Variants in CYRIB observed in about 807,000 individuals in gnomAD.
CYRIB encodes the protein CYFIP-related Rac1 interactor B.
A neutral mutation model predicts 44.2 loss-of-function variants in CYRIB; 8 were observed. The observed-to-expected ratio is 0.18, with a 90% CI of 0.11 to 0.33. CYRIB has a LOEUF of 0.33. Ranked by LOEUF, CYRIB falls within the 10% of genes least tolerant of loss-of-function variation. CYRIB has a pLI of 1.00. For missense variants in CYRIB, 185 were observed against 382.8 expected, an observed-to-expected ratio of 0.48 and a Z score of 4.31; for synonymous variants, 131 against 127.2, an observed-to-expected ratio of 1.03 and a Z score of -0.20.
At chr8:129,866,443 A>G (rs2053628060) in intron 4 of CYRIB, among the ~76,000 whole-genome samples, 2 of 152,104 alleles carry the variant, frequency 1.3e-5, no homozygotes, top group Admixed American at 1.3e-4. Flanking sequence ...ATTTCCAGGG[A>G]ATATTCATAG....
intron 1 of CYRIB, among the ~76,000 whole-genome samples, chr8:129,978,503 A>G (rs530320731): frequency 6.6e-6 from 1 of 152,196 alleles, no homozygotes; most frequent in East Asian, 1.9e-4. Context: ...CTCCCCAGGC[A>G]TGTGCCAGGA....
intron 1 of CYRIB, among the ~76,000 whole-genome samples, chr8:129,991,971 A>AC (rs1554764444): frequency 7.4e-6 from 1 of 134,604 alleles, no homozygotes; most frequent in African/African-American, 2.7e-5. Flanking sequence ...AAAAAAAAAA[A>AC]ACAATAGGAA....
At chr8:129,887,267 T>C (rs2063157441) in intron 2 of CYRIB, among the ~76,000 whole-genome samples, 1 of 152,314 alleles carries the variant, frequency 6.6e-6, no homozygotes, top group Non-Finnish European at 1.5e-5. Context: ...CTCAAGCTGC[T>C]GTTCAGGCAA....
intron 1 of CYRIB, among the ~76,000 whole-genome samples, chr8:129,931,950 G>A (rs1160593863): frequency 6.6e-6 from 1 of 151,574 alleles, no homozygotes; most frequent in Non-Finnish European, 1.5e-5. Flanking sequence ...CAGATTTAAT[G>A]AGGTATAATT....
chr8:129,888,314 T>C (rs555682086), intron 2 of CYRIB, among the ~76,000 whole-genome samples: 1 of 152,318 alleles, frequency 6.6e-6, no homozygotes, highest in African/African-American at 2.4e-5. Context: ...TTCCCAGCCA[T>C]GCTTCCTGTA....
intron 1 of CYRIB, among the ~76,000 whole-genome samples, chr8:130,005,362 G>C (rs553744823): frequency 4.6e-5 from 7 of 152,300 alleles, no homozygotes; most frequent in Non-Finnish European, 8.8e-5. Context: ...CCAGGGACAG[G>C]CTATCTGGTC....
chr8:129,989,022 C>A (rs1222742992), intron 1 of CYRIB, among the ~76,000 whole-genome samples: 2 of 152,214 alleles, frequency 1.3e-5, no homozygotes, highest in African/African-American at 4.8e-5. Flanking sequence ...CAGCATCACA[C>A]AGCTAGGAGG....
intron 1 of CYRIB, among the ~76,000 whole-genome samples, chr8:130,003,709 A>G (rs1202687767): frequency 6.6e-6 from 1 of 152,236 alleles, no homozygotes; most frequent in African/African-American, 2.4e-5. Flanking sequence ...TAGGTGTCCA[A>G]GGTGTTGGGA....
chr8:129,971,048 C>A (rs536638956), intron 1 of CYRIB, 53 bp from the exon 2 acceptor site: 2 of 152,218 alleles, frequency 1.3e-5, no homozygotes, highest in African/African-American at 4.8e-5. Flanking sequence ...TCTCAGTACA[C>A]AGAAAGCCCC....
chr8:129,851,966 A>G lies in CYRIB; in HGVS notation c.633+196T>C, dbSNP rs114951029. 457 of 392,818 alleles carry G rather than the reference A, an allele frequency of 1.2e-3. 2 individuals carry two copies. Among genetic ancestry groups the G allele is most frequent in the African/African-American group, 8.6e-3 (418 of 48,620 alleles). 24.3% of individuals were successfully genotyped at this position (392,818 alleles called of 1,614,324 possible). A position where few individuals can be genotyped will look rare whatever the true frequency, so the allele number is the denominator to read the frequency against. On this transcript the variant is annotated intron_variant, in intron 8 of 11. Coordinates refer to ENST00000519824, the Ensembl canonical transcript of CYRIB. ...GCCATCAGCTATCACTGAGGTTTCC[A>G]CCATCCCTCCAGAGAAACTGCAAAT...
Position 129,924,291 on chromosome 8 carries a change from C to CGGGGG in CYRIB, c.-50+15312_-50+15316dup, listed in dbSNP as rs796090081. 2.8e-3 allele frequency among the ~76,000 whole-genome samples: 4 copies of CGGGGG among 1,418 alleles called. 1 individual carries two copies. Among genetic ancestry groups the CGGGGG allele is most frequent in the Admixed American group, 0.015 (1 of 66 alleles). 0.9% of individuals were successfully genotyped at this position (1,418 alleles called of 152,430 possible). ...CTGCCTCCAAAAAAAAAAAAAAAAC[C>CGGGGG]GGGGGGGGGGGGGGTGGCGGGGGGG... On this transcript the variant is annotated intron_variant, in intron 1 of 11. Transcript: ENST00000519824.
At chr8:129,926,811 T>C (rs577147565) in intron 1 of CYRIB, among the ~76,000 whole-genome samples, 1 of 152,360 alleles carries the variant, frequency 6.6e-6, no homozygotes, top group Non-Finnish European at 1.5e-5. Flanking sequence ...AATAAAATTC[T>C]GTATCACTAC....
intron 1 of CYRIB, among the ~76,000 whole-genome samples, chr8:129,979,151 A>T (rs929259708): frequency 7.9e-5 from 12 of 151,978 alleles, no homozygotes; most frequent in Non-Finnish European, 1.8e-4. Flanking sequence ...AAAATAAATA[A>T]ATAAATTAAT....
intron 1 of CYRIB, among the ~76,000 whole-genome samples, chr8:129,998,014 A>C (rs2096817169): frequency 6.7e-6 from 1 of 149,872 alleles, no homozygotes; most frequent in South Asian, 2.1e-4. Context: ...CCAGCTACTC[A>C]GGGGGCTGAG....
chr8:129,843,201 T>C (rs1392685465), intron 11 of CYRIB, among the ~76,000 whole-genome samples: 1 of 152,144 alleles, frequency 6.6e-6, no homozygotes, highest in African/African-American at 2.4e-5. Context: ...AGAGGCTACA[T>C]ACAGAGACAG....
chr8:129,922,429 C>T (rs559378215), intron 1 of CYRIB, among the ~76,000 whole-genome samples: 8 of 151,946 alleles, frequency 5.3e-5, no homozygotes, highest in East Asian at 1.9e-4. Context: ...AAATTAAAGA[C>T]GGTACAGATC....
intron 1 of CYRIB, among the ~76,000 whole-genome samples, chr8:129,939,246 G>A (rs1008942241): frequency 6.6e-6 from 1 of 151,920 alleles, no homozygotes; most frequent in African/African-American, 2.4e-5. Flanking sequence ...GGATTGGGGA[G>A]GGGGGACAAC....
intron 1 of CYRIB, among the ~76,000 whole-genome samples, chr8:129,936,769 A>C (rs2092878000): frequency 7.2e-6 from 1 of 139,532 alleles, no homozygotes; most frequent in African/African-American, 2.7e-5. Flanking sequence ...TGCAGTGGCG[A>C]GATCTTGGTT....
chr8:129,965,393 T>C (rs1436419025), intron 2 of CYRIB, among the ~76,000 whole-genome samples: 1 of 152,156 alleles, frequency 6.6e-6, no homozygotes, highest in Non-Finnish European at 1.5e-5. Flanking sequence ...CCACATATAC[T>C]TTCCTGCAAA....
Sources: gnomAD v4.1 joint callset for allele counts (sites outside exome capture counted in the v4.1 genomes callset) on GRCh38, gnomAD v4.1.1 for gene constraint, MANE v1.5 for transcripts, NCBI Gene and HGNC (gene_info 2026-07-23, HGNC 2026-07-21) for gene names.